The following SOS2 variants were observed in gnomAD, a reference collection of about 807,000 sequenced individuals.
SOS2 encodes SOS Ras/Rho guanine nucleotide exchange factor 2, also known as son of sevenless homolog 2.
A neutral mutation model predicts 148.2 loss-of-function variants in SOS2; 65 were observed. The observed-to-expected ratio is 0.44, with a 90% confidence interval of 0.36 to 0.54. SOS2 has a LOEUF of 0.54. Ranked by LOEUF, SOS2 falls within the 20% of genes least tolerant of loss-of-function variation. SOS2 has a pLI of 0.00. For missense variants in SOS2, 1,341 were observed against 1,590.2 expected (o/e 0.84, Z 2.67); for synonymous variants, 539 against 537.1 (o/e 1.00, Z -0.05).
intron 1 of SOS2, among the ~76,000 whole-genome samples, chr14:50,230,187 A>G (rs1887496896): frequency 6.6e-6 from 1 of 152,250 alleles, no homozygotes; most frequent in Non-Finnish European, 1.5e-5. Flanking sequence ...TTTCATTTAT[A>G]GAAATTTAAT....
intron 2 of SOS2, among the ~76,000 whole-genome samples, chr14:50,203,411 A>G (rs1340804510): frequency 6.6e-6 from 1 of 152,072 alleles, no homozygotes; most frequent in Non-Finnish European, 1.5e-5. Flanking sequence ...GTACTATTAG[A>G]CATTTGTTTT....
chr14:50,161,556 A>C lies in SOS2; in HGVS notation c.1122T>G (p.Ala374=). ...CTTGGAGATTCATGAGAGCAGTAAT[A>C]GCTTGGTTCAAACATTCTCTGTCTT... ...EQEDRECLNQ[A]ITALMNLQGS... is the part of the protein sequence containing the mutation. Residue 374 remains alanine (A), a synonymous_variant, in exon 9 of 23, where the codon GCT becomes GCG. Coordinates refer to ENST00000216373, the MANE Select transcript of SOS2 (RefSeq NM_006939.4). The C allele has an allele frequency of 6.2e-7, 1 of 1,612,524 alleles. No individual in the cohort carries two copies. The highest frequency in any genetic ancestry group is 8.5e-7 in the Non-Finnish European group (1 of 1,178,626).
chr14:50,189,175 G>C (rs1886032567), intron 4 of SOS2, among the ~76,000 whole-genome samples: 1 of 147,766 alleles, frequency 6.8e-6, no homozygotes, highest in Non-Finnish European at 1.5e-5. Flanking sequence ...AGAATAAAAG[G>C]AAAAAAAGTT....
At position 50,216,065 on chromosome 14, in the gene SOS2, C is replaced by T. The variant is rs540300076; in HGVS notation, c.88-11656G>A. On this transcript the variant is annotated intron_variant, in intron 1 of 22. Coordinates refer to ENST00000216373, the MANE Select transcript of SOS2 (RefSeq NM_006939.4). Reference sequence around the variant, plus strand: ...CTCAAACATCAATTAAGAATACTGGCAATGTTTTCATTATTAAATGTTTTG... The same window carrying T: ...CTCAAACATCAATTAAGAATACTGGTAATGTTTTCATTATTAAATGTTTTG... Among the ~76,000 whole-genome samples, 10 of 150,804 alleles carry T rather than the reference C, an allele frequency of 6.6e-5. No homozygotes were observed. In the South Asian group the frequency reaches 1.9e-3, roughly 28 times the overall value.
At chr14:50,147,448 G>A (rs1884524635) in intron 14 of SOS2, among the ~76,000 whole-genome samples, 1 of 148,968 alleles carries the variant, frequency 6.7e-6, no homozygotes, top group African/African-American at 2.5e-5. Flanking sequence ...GGAGTTCAAG[G>A]CTACAGTGAG....
chr14:50,124,262 A>G (rs1390568883), intron 21 of SOS2, among the ~76,000 whole-genome samples: 2 of 152,198 alleles, frequency 1.3e-5, no homozygotes, highest in Admixed American at 6.5e-5. Context: ...AGGCCTTCCA[A>G]TGTCAATAGT....
intron 19 of SOS2, 151 bp downstream of exon 19, chr14:50,133,972 T>TCC (rs144665765): frequency 1.1e-5 from 7 of 622,864 alleles, no homozygotes; most frequent in African/African-American, 7.6e-5. Flanking sequence ...GGCTGACATT[T>TCC]CCCCCCCCAG....
At chr14:50,190,390 C>G (rs1259571934) in intron 4 of SOS2, among the ~76,000 whole-genome samples, 1 of 152,118 alleles carries the variant, frequency 6.6e-6, no homozygotes, top group Non-Finnish European at 1.5e-5. Context: ...ATAAACTGTA[C>G]CACATGTTGG....
At chr14:50,211,434 G>A (rs978254832) in intron 1 of SOS2, among the ~76,000 whole-genome samples, 1 of 152,030 alleles carries the variant, frequency 6.6e-6, no homozygotes, top group African/African-American at 2.4e-5. Flanking sequence ...CCATCACCCA[G>A]GTACTGAGCA....
intron 2 of SOS2, 108 bp downstream of exon 2, chr14:50,204,176 C>T (rs1237948256): frequency 3.2e-6 from 2 of 623,660 alleles, no homozygotes; most frequent in Middle Eastern, 4.2e-4. Context: ...ATATATCATA[C>T]ATAATTTCAG....
chr14:50,225,289 A>G (rs1046395204), intron 1 of SOS2, among the ~76,000 whole-genome samples: 11 of 152,192 alleles, frequency 7.2e-5, no homozygotes, highest in Non-Finnish European at 1.0e-4. Context: ...GTTAATTTTT[A>G]ACATGAGATA....
intron 1 of SOS2, among the ~76,000 whole-genome samples, chr14:50,214,647 A>C (rs1392878264): frequency 3.9e-5 from 6 of 151,916 alleles, no homozygotes; most frequent in Admixed American, 3.3e-4. Flanking sequence ...TCTTTAAATA[A>C]ATAAATAAAC....
chr14:50,170,163 G>A (rs190467236), intron 8 of SOS2, among the ~76,000 whole-genome samples: 135 of 151,124 alleles, frequency 8.9e-4, no homozygotes, highest in African/African-American at 3.1e-3. Flanking sequence ...GAACTCCTGG[G>A]CTCAAGTGAC....
chr14:50,169,339 A>AAAACAAAC (rs71118850), intron 8 of SOS2, among the ~76,000 whole-genome samples: 2 of 149,820 alleles, frequency 1.3e-5, no homozygotes, highest in South Asian at 2.1e-4. Flanking sequence ...ATAAAAATAA[A>AAAACAAAC]AAACAAACAA....
At chr14:50,175,210 C>T (rs1428827700) in intron 7 of SOS2, among the ~76,000 whole-genome samples, 2 of 152,104 alleles carry the variant, frequency 1.3e-5, no homozygotes. Context: ...ACAAGCTTCT[C>T]CTCTTCTTTA....
At chr14:50,193,665 T>C (rs1012278249) in intron 4 of SOS2, among the ~76,000 whole-genome samples, 2 of 152,136 alleles carry the variant, frequency 1.3e-5, no homozygotes, top group African/African-American at 4.8e-5. Flanking sequence ...TCTCTAGATA[T>C]CAGTTTGGAT....
chr14:50,131,975 A>G (rs1295307468), intron 19 of SOS2, among the ~76,000 whole-genome samples: 6 of 152,204 alleles, frequency 3.9e-5, no homozygotes, highest in Admixed American at 2.0e-4. Context: ...CTGAAAAATT[A>G]AAGTTGAGCA....
At chr14:50,155,177 T>C (rs1420465035) in intron 12 of SOS2, among the ~76,000 whole-genome samples, 1 of 152,156 alleles carries the variant, frequency 6.6e-6, no homozygotes, top group Non-Finnish European at 1.5e-5. Flanking sequence ...TCAGTTTTGC[T>C]GTATGTTAAA....
At chr14:50,121,059 G>A (rs1249754166) in intron 21 of SOS2, among the ~76,000 whole-genome samples, 1 of 152,006 alleles carries the variant, frequency 6.6e-6, no homozygotes, top group Admixed American at 6.6e-5. Flanking sequence ...TTTTGAAGCA[G>A]CTATGATTGG....
Sources: gnomAD v4.1 joint callset for allele counts (sites outside exome capture counted in the v4.1 genomes callset) on GRCh38, gnomAD v4.1.1 for gene constraint, MANE v1.5 for transcripts, NCBI Gene and HGNC (gene_info 2026-07-23, HGNC 2026-07-21) for gene names.